Variants in PRDM6 observed in about 807,000 individuals in gnomAD.
PRDM6 encodes PR/SET domain 6.
PRDM6 carries 25 observed loss-of-function variants against 60.8 expected under a neutral mutation model. The ratio of observed to expected loss-of-function variants is 0.41; its 90% CI spans 0.30 to 0.57. PRDM6 has a LOEUF of 0.57. Ranked by LOEUF, PRDM6 falls within the 20% of genes least tolerant of loss-of-function variation. The probability of loss-of-function intolerance (pLI) is 0.27; values close to 1 mark genes in which losing one functional copy is unlikely to be tolerated. For synonymous variants in PRDM6, 407 were observed against 357.4 expected, an observed-to-expected ratio of 1.14 and a Z score of -1.57; for missense variants, 839 against 821.3, an observed-to-expected ratio of 1.02 and a Z score of -0.26.
At chr5:123,170,460 A>G (rs1408658404) in intron 5 of PRDM6, among the ~76,000 whole-genome samples, 1 of 152,148 alleles carries the variant, frequency 6.6e-6, no homozygotes, top group African/African-American at 2.4e-5. Flanking sequence ...CCCTCCAGGC[A>G]TAGGTGCAGT....
chr5:123,176,222 T>A (rs1399397708), intron 6 of PRDM6, among the ~76,000 whole-genome samples: 4 of 138,180 alleles, frequency 2.9e-5, no homozygotes, highest in Non-Finnish European at 4.5e-5. Context: ...CTAGCTCAGA[T>A]ACAGAACAGC....
intron 3 of PRDM6, among the ~76,000 whole-genome samples, chr5:123,109,585 T>G (rs2150211842): frequency 6.6e-6 from 1 of 152,320 alleles, no homozygotes; most frequent in South Asian, 2.1e-4. Flanking sequence ...TACTTAGCAA[T>G]GCTTACAAAT....
At chr5:123,183,489 T>C (rs1174496533) in intron 7 of PRDM6, among the ~76,000 whole-genome samples, 2 of 152,204 alleles carry the variant, frequency 1.3e-5, no homozygotes, top group Admixed American at 6.5e-5. Context: ...TCATATCTGA[T>C]TGACTGAAAT....
At chr5:123,133,253 G>A (rs1460128423) in intron 3 of PRDM6, among the ~76,000 whole-genome samples, 2 of 152,036 alleles carry the variant, frequency 1.3e-5, no homozygotes, top group Non-Finnish European at 2.9e-5. Flanking sequence ...AATGCATTTT[G>A]CCAAGCAAAG....
rs1763788567 is a variant in PRDM6, at chr5:123,090,221, GCGC to G, written c.209_211del (p.Arg70del). The G allele has an allele frequency of 6.8e-7, 1 of 1,474,340 alleles. No individual in the cohort carries two copies. Among genetic ancestry groups the G allele is most frequent in the Non-Finnish European group, 9.0e-7 (1 of 1,114,446 alleles). 91.3% of individuals were successfully genotyped at this position (1,474,340 alleles called of 1,614,324 possible). A position where few individuals can be genotyped will look rare whatever the true frequency, so the allele number is the denominator to read the frequency against. On this transcript the variant is annotated inframe_deletion, in exon 2 of 8. Coordinates refer to ENST00000407847, the MANE Select transcript of PRDM6 (RefSeq NM_001136239.4). Reference sequence around the variant, plus strand: ...GCGCTGAGCCTCCGCCGGACAGCCTGCGCCCGCGGCCCGCCTCTCTCTCCTCCG... The same window carrying G: ...GCGCTGAGCCTCCGCCGGACAGCCTGCCGCGGCCCGCCTCTCTCTCCTCCG...
chr5:123,099,064 C>T lies in PRDM6; in HGVS notation c.593-590C>T, dbSNP rs912000910. On this transcript the variant is annotated intron_variant, in intron 2 of 7. Coordinates refer to ENST00000407847, the MANE Select transcript of PRDM6 (RefSeq NM_001136239.4). This position sits in a 1 kb window ranked among gnomAD's most constrained non-coding sequence, Gnocchi z 4.0. The stretch of plus-strand genomic sequence containing the variant: ...CACCCGCGATAGACTGGCCGTCTCC[C>T]CCACCCCGCCCCGTCTGGTGATTTT... 1.3e-5 allele frequency among the ~76,000 whole-genome samples: 2 copies of T among 152,170 alleles called. No homozygotes were observed. The highest frequency in any genetic ancestry group is 4.2e-4 in the South Asian group (2 of 4,812).
At chr5:123,102,601 G>C (rs1764128098) in intron 3 of PRDM6, among the ~76,000 whole-genome samples, 1 of 151,958 alleles carries the variant, frequency 6.6e-6, no homozygotes, top group African/African-American at 2.4e-5. Flanking sequence ...ATGTCTTCCA[G>C]AATAGCAAGT....
intron 3 of PRDM6, among the ~76,000 whole-genome samples, chr5:123,112,339 C>G (rs1764332438): frequency 6.6e-6 from 1 of 152,170 alleles, no homozygotes; most frequent in Non-Finnish European, 1.5e-5. Flanking sequence ...CAGTGCAGTC[C>G]TATATCATAT....
At chr5:123,180,439 C>T (rs1766124719) in intron 7 of PRDM6, 116 bp downstream of exon 7, 23 of 1,086,340 alleles carry the variant, frequency 2.1e-5, no homozygotes, top group Non-Finnish European at 3.0e-5. Context: ...CTTGGAAGGC[C>T]AGTGTCCAGG....
intron 5 of PRDM6, among the ~76,000 whole-genome samples, chr5:123,166,958 C>G (rs1388875879): frequency 6.6e-6 from 1 of 152,132 alleles, no homozygotes. Context: ...TTTTAATAAC[C>G]CATCTCTGCA....
At position 123,129,486 on chromosome 5, in the gene PRDM6, T is replaced by C. The variant is rs572737252; in HGVS notation, c.901-26398T>C. Among the ~76,000 whole-genome samples the C allele has an allele frequency of 2.6e-5, 4 of 152,286 alleles. No homozygotes were observed. The East Asian group carries it at 7.7e-4, about 29-fold the overall frequency. The stretch of plus-strand genomic sequence containing the variant: ...TTTACATCCTCTGAGGGATTTCTTA[T>C]AGAGCAGGGTAAGAAGAAAAGGGAG... On this transcript the variant is annotated intron_variant, in intron 3 of 7. Transcript: ENST00000407847.
chr5:123,138,093 T>C (rs1765009067), intron 3 of PRDM6, among the ~76,000 whole-genome samples: 1 of 152,132 alleles, frequency 6.6e-6, no homozygotes, highest in African/African-American at 2.4e-5. Flanking sequence ...TTTTCCATGA[T>C]GTAAGAATTT....
In PRDM6 at chr5:123,187,338, A is replaced by C; in HGVS notation, c.*137A>C. On this transcript the variant is annotated 3_prime_UTR_variant, in exon 8 of 8. Transcript: ENST00000407847. ...CAAAAGCAGTAATAAAATAAGTAAGATGTTAAGAGATATTGATCCTGGCAT... is the reference window on the plus strand; with the variant it reads ...CAAAAGCAGTAATAAAATAAGTAAGCTGTTAAGAGATATTGATCCTGGCAT... 1 of 586,804 alleles carries C rather than the reference A, an allele frequency of 1.7e-6. No individual in the cohort carries two copies. The highest frequency in any genetic ancestry group is 3.1e-6 in the Non-Finnish European group (1 of 321,038). 36.3% of individuals were successfully genotyped at this position (586,804 alleles called of 1,614,324 possible). A position where few individuals can be genotyped will look rare whatever the true frequency, so the allele number is the denominator to read the frequency against.
At chr5:123,119,413 G>T (rs1025162077) in intron 3 of PRDM6, among the ~76,000 whole-genome samples, 1 of 152,228 alleles carries the variant, frequency 6.6e-6, no homozygotes, top group Non-Finnish European at 1.5e-5. Flanking sequence ...GGTCCTGAAA[G>T]CCGCTGGTGC....
At chr5:123,161,130 G>C (rs1561866359) in intron 5 of PRDM6, among the ~76,000 whole-genome samples, 1 of 152,222 alleles carries the variant, frequency 6.6e-6, no homozygotes, top group African/African-American at 2.4e-5. Context: ...GAGATCCTCT[G>C]TTTCTTCTTT....
At chr5:123,167,654 G>T (rs150198533) in intron 5 of PRDM6, among the ~76,000 whole-genome samples, 17 of 152,310 alleles carry the variant, frequency 1.1e-4, no homozygotes, top group Middle Eastern at 3.4e-3. Context: ...CTCCCAAAGT[G>T]CTGGGATTAC....
chr5:123,165,497 T>G (rs1168771237), intron 5 of PRDM6, among the ~76,000 whole-genome samples: 2 of 152,246 alleles, frequency 1.3e-5, no homozygotes, highest in African/African-American at 4.8e-5. Flanking sequence ...GACTTCACAC[T>G]TTCTTTCTTT....
chr5:123,100,206 A>G (rs1764068367), intron 3 of PRDM6, among the ~76,000 whole-genome samples: 1 of 152,246 alleles, frequency 6.6e-6, no homozygotes, highest in Admixed American at 6.5e-5. Context: ...GAAACAGCCT[A>G]CAGGTGTCTG....
At chr5:123,131,972 A>G (rs1764843702) in intron 3 of PRDM6, among the ~76,000 whole-genome samples, 1 of 152,292 alleles carries the variant, frequency 6.6e-6, no homozygotes, top group Middle Eastern at 3.4e-3. Flanking sequence ...GGAAATAGTA[A>G]TAGTATCTGT....
Sources: gnomAD v4.1 joint callset for allele counts (sites outside exome capture counted in the v4.1 genomes callset) on GRCh38, gnomAD v4.1.1 for gene constraint, Gnocchi (gnomAD v3.1) non-coding constraint, MANE v1.5 for transcripts, NCBI Gene and HGNC (gene_info 2026-07-23, HGNC 2026-07-21) for gene names.